Variants in RCAN2 observed in about 807,000 individuals in gnomAD.
The protein encoded by RCAN2 is regulator of calcineurin 2.
RCAN2 carries 9 observed loss-of-function variants against 23.6 expected under a neutral mutation model. The observed-to-expected ratio is 0.38, with a 90% CI of 0.23 to 0.67. RCAN2 has a LOEUF of 0.67. Ranked by LOEUF, RCAN2 falls within the 30% of genes least tolerant of loss-of-function variation. The pLI, the probability that RCAN2 is intolerant of heterozygous loss-of-function variation, is 0.51. For missense variants in RCAN2, 273 were observed against 302.3 expected (o/e 0.90, Z 0.72); for synonymous variants, 109 against 115.7 (o/e 0.94, Z 0.37).
chr6:46,263,281 C>T (rs1417037451), intron 2 of RCAN2, among the ~76,000 whole-genome samples: 1 of 152,122 alleles, frequency 6.6e-6, no homozygotes, highest in Non-Finnish European at 1.5e-5. Flanking sequence ...TAAGATCCTC[C>T]ATAATGTAAT....
intron 2 of RCAN2, among the ~76,000 whole-genome samples, chr6:46,337,646 T>C (rs1247159858): frequency 6.6e-6 from 1 of 152,204 alleles, no homozygotes; most frequent in Admixed American, 6.5e-5. Context: ...ATCGTAACTT[T>C]AGTCATCTTT....
At chr6:46,423,187 C>T (rs1475862420) in intron 2 of RCAN2, among the ~76,000 whole-genome samples, 1 of 152,016 alleles carries the variant, frequency 6.6e-6, no homozygotes, top group Non-Finnish European at 1.5e-5. Flanking sequence ...TTAGGTGATT[C>T]CAAGAATCAG....
chr6:46,343,217 C>T (rs1046218607), intron 2 of RCAN2, among the ~76,000 whole-genome samples: 1 of 151,668 alleles, frequency 6.6e-6, no homozygotes, highest in African/African-American at 2.4e-5. Context: ...ACAATGGTGG[C>T]CAGAATACAA....
chr6:46,425,730 C>G (rs1226912668), intron 2 of RCAN2, among the ~76,000 whole-genome samples: 2 of 151,964 alleles, frequency 1.3e-5, no homozygotes, highest in Admixed American at 6.6e-5. Context: ...AAAAAAACAG[C>G]ATATATCAAA....
intron 2 of RCAN2, among the ~76,000 whole-genome samples, chr6:46,307,560 A>G (rs1353787383): frequency 6.6e-6 from 1 of 152,162 alleles, no homozygotes; most frequent in Non-Finnish European, 1.5e-5. Context: ...TCATTTATTT[A>G]TTCAGCAAAT....
intron 2 of RCAN2, among the ~76,000 whole-genome samples, chr6:46,398,605 T>C (rs1766157455): frequency 6.6e-6 from 1 of 152,152 alleles, no homozygotes; most frequent in Admixed American, 6.5e-5. Flanking sequence ...ACTGTCCTAA[T>C]TCTCACAGAC....
chr6:46,411,090 T>C (rs1383167927), intron 2 of RCAN2, among the ~76,000 whole-genome samples: 1 of 152,204 alleles, frequency 6.6e-6, no homozygotes, highest in Non-Finnish European at 1.5e-5. Context: ...GGGAAGATCA[T>C]ATAGAATAGC....
chr6:46,458,485 G>T (rs930055620), intron 1 of RCAN2, among the ~76,000 whole-genome samples: 26 of 152,022 alleles, frequency 1.7e-4, no homozygotes, highest in Admixed American at 1.4e-3. Flanking sequence ...CAAAATTGTG[G>T]TAAGTAAAAA....
intron 1 of RCAN2, among the ~76,000 whole-genome samples, chr6:46,458,896 C>CGCACGT (rs57335093): frequency 6.7e-6 from 1 of 150,036 alleles, no homozygotes; most frequent in East Asian, 2.0e-4. Context: ...CGCGCGCGCA[C>CGCACGT]GTGTGTGTGT....
chr6:46,240,008 G>T (rs1766246842), intron 4 of RCAN2, among the ~76,000 whole-genome samples: 1 of 152,182 alleles, frequency 6.6e-6, no homozygotes, highest in African/African-American at 2.4e-5. Flanking sequence ...GGAAGATAAA[G>T]AGGGAGAGCG....
At chr6:46,414,696 A>C (rs1766652371) in intron 2 of RCAN2, among the ~76,000 whole-genome samples, 1 of 152,196 alleles carries the variant, frequency 6.6e-6, no homozygotes, top group Admixed American at 6.5e-5. Flanking sequence ...TCTGGACTAG[A>C]ACTGCAGCTC....
At chr6:46,386,112 A>G (rs1471971925) in intron 2 of RCAN2, among the ~76,000 whole-genome samples, 2 of 152,156 alleles carry the variant, frequency 1.3e-5, no homozygotes, top group East Asian at 3.9e-4. Flanking sequence ...CATTTTTGCA[A>G]TCTACCCTTC....
intron 4 of RCAN2, among the ~76,000 whole-genome samples, chr6:46,233,228 C>A (rs145268838): frequency 1.5e-4 from 23 of 152,266 alleles, no homozygotes; most frequent in African/African-American, 5.5e-4. Context: ...TTGAGTTAAC[C>A]GCATCCAGGG....
intron 2 of RCAN2, among the ~76,000 whole-genome samples, chr6:46,428,617 G>A (rs1317786281): frequency 6.6e-6 from 1 of 152,168 alleles, no homozygotes; most frequent in Non-Finnish European, 1.5e-5. Context: ...TGGATATTCA[G>A]GGCCCAGGAC....
chr6:46,255,336 T>C (rs1242758467), intron 2 of RCAN2, among the ~76,000 whole-genome samples: 1 of 151,960 alleles, frequency 6.6e-6, no homozygotes, highest in Non-Finnish European at 1.5e-5. Context: ...GGCAATGAGA[T>C]GCCCGACTAT....
chr6:46,460,054 TTG>T (rs1768164525), intron 1 of RCAN2, among the ~76,000 whole-genome samples: 1 of 151,048 alleles, frequency 6.6e-6, no homozygotes, highest in South Asian at 2.2e-4. Context: ...TCCTCTGTTG[TTG>T]TTTTTTTTTT....
intron 2 of RCAN2, among the ~76,000 whole-genome samples, chr6:46,423,181 G>C (rs576725934): frequency 6.6e-6 from 1 of 152,092 alleles, no homozygotes; most frequent in South Asian, 2.1e-4. Context: ...GATTGTTTAG[G>C]TGATTCCAAG....
chr6:46,375,788 C>T (rs1765443456), intron 2 of RCAN2, among the ~76,000 whole-genome samples: 1 of 152,136 alleles, frequency 6.6e-6, no homozygotes, highest in Non-Finnish European at 1.5e-5. Context: ...GGCTCTGTTC[C>T]AATAAAACTT....
At chr6:46,401,836 T>C (rs1183857199) in intron 2 of RCAN2, among the ~76,000 whole-genome samples, 1 of 152,136 alleles carries the variant, frequency 6.6e-6, no homozygotes, top group East Asian at 1.9e-4. Flanking sequence ...AGCTTCTGCC[T>C]CCATAATGGG....
Sources: gnomAD v4.1 joint callset for allele counts (sites outside exome capture counted in the v4.1 genomes callset) on GRCh38, gnomAD v4.1.1 for gene constraint, MANE v1.5 for transcripts, NCBI Gene and HGNC (gene_info 2026-07-23, HGNC 2026-07-21) for gene names.